Variants in SLC9A1 observed in about 807,000 individuals in gnomAD.
SLC9A1 encodes the protein sodium/hydrogen exchanger 1.
A neutral mutation model predicts 67.9 loss-of-function variants in SLC9A1; 22 were observed. The ratio of observed to expected loss-of-function variants is 0.32; its 90% CI spans 0.23 to 0.46. The LOEUF (loss-of-function observed/expected upper bound fraction) is 0.46, where lower values mean the gene tolerates loss of function less well. Ranked by LOEUF, SLC9A1 falls within the 20% of genes least tolerant of loss-of-function variation. The pLI, the probability that SLC9A1 is intolerant of heterozygous loss-of-function variation, is 1.00. For synonymous variants in SLC9A1, 421 were observed against 471.8 expected (o/e 0.89, Z 1.40); for missense variants, 686 against 1,094.8 (o/e 0.63, Z 5.27).
intron 3 of SLC9A1, 129 bp from the exon 4 acceptor site, chr1:27,107,994 C>T (rs574774232): frequency 4.5e-6 from 3 of 666,814 alleles, no homozygotes; most frequent in African/African-American, 1.8e-5. Flanking sequence ...GCCAGGGGCC[C>T]GCTGTGTGCT....
chr1:27,119,085 A>ACACACACACACT (rs1194276206), intron 1 of SLC9A1, among the ~76,000 whole-genome samples: 1 of 138,970 alleles, frequency 7.2e-6, no homozygotes, highest in East Asian at 2.1e-4. Context: ...ACACACACAC[A>ACACACACACACT]CTCTTGCTGA....
intron 1 of SLC9A1, among the ~76,000 whole-genome samples, chr1:27,129,762 C>A (rs1274937438): frequency 6.6e-6 from 1 of 152,104 alleles, no homozygotes; most frequent in African/African-American, 2.4e-5. Flanking sequence ...ATGGTGCCAA[C>A]CCCCCCATTC....
At chr1:27,126,917 A>G (rs1396394092) in intron 1 of SLC9A1, among the ~76,000 whole-genome samples, 1 of 152,256 alleles carries the variant, frequency 6.6e-6, no homozygotes, top group Non-Finnish European at 1.5e-5. Flanking sequence ...TTAGGCACCA[A>G]GAAGGCCTGG....
chr1:27,146,893 T>C (rs1470039184), intron 1 of SLC9A1, among the ~76,000 whole-genome samples: 1 of 152,140 alleles, frequency 6.6e-6, no homozygotes, highest in Non-Finnish European at 1.5e-5. Flanking sequence ...CCCAGCACTT[T>C]GGGGGGCCGG....
At position 27,102,558 on chromosome 1, in the gene SLC9A1, C is replaced by G. The variant is rs1330379056; in HGVS notation, c.1647G>C (p.Lys549Asn). Residue 549 changes from lysine to asparagine, a missense_variant and splice_region_variant, in exon 8 of 12, where the codon AAG becomes AAC. Lys to Asn is a moderately conservative substitution (Grantham distance 94, BLOSUM62 0). Around this residue, in one of 7 missense-constraint regions of SLC9A1, gnomAD observed 168 missense variants for 375.4 expected, o/e 0.45. Coordinates refer to ENST00000263980, the MANE Select transcript of SLC9A1 (RefSeq NM_003047.5). ...GHYGHHHWKD[K>N]LNRFNKKYVK... ...CATATTTCTTATTAAACCGGTTGAG[C>G]CTGGTGGGAGGAGGAGGGAGACGGA... 1 of 1,608,308 alleles carries G rather than the reference C, an allele frequency of 6.2e-7. No individual in the cohort carries two copies. Among genetic ancestry groups the G allele is most frequent in the Non-Finnish European group, 8.5e-7 (1 of 1,175,936 alleles).
chr1:27,102,847 C>G, intron 6 of SLC9A1, 104 bp from the exon 7 acceptor site: 2 of 1,048,980 alleles, frequency 1.9e-6, no homozygotes, highest in Non-Finnish European at 2.9e-6. Context: ...CCTGCTGGGT[C>G]CAGCCCTGTG....
chr1:27,130,970 T>C (rs541953384), intron 1 of SLC9A1, among the ~76,000 whole-genome samples: 4 of 152,294 alleles, frequency 2.6e-5, no homozygotes, highest in South Asian at 2.1e-4. Flanking sequence ...GTTCACCCCA[T>C]AGAAGTGCCC....
At chr1:27,123,857 C>T (rs1237426927) in intron 1 of SLC9A1, among the ~76,000 whole-genome samples, 1 of 151,454 alleles carries the variant, frequency 6.6e-6, no homozygotes, top group Non-Finnish European at 1.5e-5. Context: ...GACGGAGTCC[C>T]GCACAGTCAC....
At position 27,129,005 on chromosome 1, in the gene SLC9A1, TGC is replaced by T. The variant is rs373917486; in HGVS notation, c.353-14721_353-14720del. Among the ~76,000 whole-genome samples the T allele has an allele frequency of 4.3e-3, 649 of 152,254 alleles. 4 individuals are homozygous for T. The highest frequency in any genetic ancestry group is 0.015 in the African/African-American group (614 of 41,556). On this transcript the variant is annotated intron_variant, in intron 1 of 11. Transcript: ENST00000263980. ...ACAAATGCATGCACGCACGCACGCATGCCAGACACTCCCGTGCAGATCTAGAT... is the reference window on the plus strand; with the variant it reads ...ACAAATGCATGCACGCACGCACGCATCAGACACTCCCGTGCAGATCTAGAT...
chr1:27,101,743 G>A lies in SLC9A1; in HGVS notation c.2019C>T (p.Ala673=), dbSNP rs972334483. 13 of 1,612,264 alleles carry A rather than the reference G, an allele frequency of 8.1e-6. No individual in the cohort carries two copies. The African/African-American group carries it at 1.3e-4, about 17-fold the overall frequency. Residue 673 remains alanine (A), a synonymous_variant, in exon 10 of 12, where the codon GCC becomes GCT. Coordinates refer to ENST00000263980, the MANE Select transcript of SLC9A1 (RefSeq NM_003047.5). This position sits in a 1 kb window ranked among gnomAD's most constrained non-coding sequence, Gnocchi z 4.9. ...WNQMLLRRQK[A]RQLEQKINNY... ...AGGCTACCTTCTGCTCCAGCTGCCGGGCCTTCTGCCTCCGGAGCAGCATCT... is the reference window on the plus strand; with the variant it reads ...AGGCTACCTTCTGCTCCAGCTGCCGAGCCTTCTGCCTCCGGAGCAGCATCT...
chr1:27,145,020 G>A (rs1182599353), intron 1 of SLC9A1, among the ~76,000 whole-genome samples: 1 of 147,120 alleles, frequency 6.8e-6, no homozygotes, highest in Non-Finnish European at 1.5e-5. Flanking sequence ...CTGCACTCTG[G>A]CACTCCAACC....
At chr1:27,124,621 T>C (rs889527555) in intron 1 of SLC9A1, among the ~76,000 whole-genome samples, 1 of 152,228 alleles carries the variant, frequency 6.6e-6, no homozygotes, top group Non-Finnish European at 1.5e-5. Context: ...CAGGCGGCAC[T>C]GGCTGGGTGG....
chr1:27,149,098 C>A (rs1424553380), intron 1 of SLC9A1, among the ~76,000 whole-genome samples: 2 of 152,222 alleles, frequency 1.3e-5, no homozygotes, highest in Non-Finnish European at 2.9e-5. Context: ...GGACACAGAA[C>A]ACCTACAGCT....
intron 1 of SLC9A1, among the ~76,000 whole-genome samples, chr1:27,133,238 C>T (rs1211868140): frequency 6.6e-6 from 1 of 151,972 alleles, no homozygotes; most frequent in Non-Finnish European, 1.5e-5. Flanking sequence ...CGGCTAATTT[C>T]TGTATTTTTT....
intron 1 of SLC9A1, among the ~76,000 whole-genome samples, chr1:27,130,140 G>T (rs59888202): frequency 1.3e-5 from 2 of 152,088 alleles, no homozygotes; most frequent in Non-Finnish European, 2.9e-5. Context: ...TCATTCTGTC[G>T]CTCAGGCTGG....
rs568470276 is a variant in SLC9A1 at position 27,114,642 on chromosome 1, C to T, written c.353-356G>A. Among the ~76,000 whole-genome samples, 10 of 152,284 alleles carry T rather than the reference C, an allele frequency of 6.6e-5. No homozygotes were observed. Among genetic ancestry groups the T allele is most frequent in the East Asian group, 1.9e-4 (1 of 5,188 alleles). ...TGATTACTGACGTGCCAAGTACCTACGGGCATCACCTACGCCTGAACCCAA... is the reference window on the plus strand; with the variant it reads ...TGATTACTGACGTGCCAAGTACCTATGGGCATCACCTACGCCTGAACCCAA... On this transcript the variant is annotated intron_variant, in intron 1 of 11. Coordinates refer to ENST00000263980, the MANE Select transcript of SLC9A1 (RefSeq NM_003047.5). This position sits in a 1 kb window ranked among gnomAD's most constrained non-coding sequence, Gnocchi z 5.4.
intron 1 of SLC9A1, among the ~76,000 whole-genome samples, chr1:27,148,262 A>G (rs2083502956): frequency 1.3e-5 from 2 of 152,034 alleles, no homozygotes; most frequent in South Asian, 2.1e-4. Context: ...CCCCAGTGCA[A>G]CTCTGGCCCT....
chr1:27,131,947 A>AAAAAAAAATATAT lies in SLC9A1; in HGVS notation c.353-17662_353-17661insATATATTTTTTTT. ...AAAAGAAGAAGAAGAAGAAAAAAAA[A>AAAAAAAAATATAT]ATATATATATATATATATATATATA... On this transcript the variant is annotated intron_variant, in intron 1 of 11. Transcript: ENST00000263980. Among the ~76,000 whole-genome samples the AAAAAAAAATATAT allele has an allele frequency of 2.6e-3, 133 of 52,066 alleles. 1 individual carries two copies. The highest frequency in any genetic ancestry group is 6.7e-3 in the African/African-American group (106 of 15,710). The allele number at this position is 52,066 out of a possible 152,430, so 34.2% of individuals were successfully genotyped here.
rs150015600 is a variant in SLC9A1 at position 27,105,828 on chromosome 1, C to T, written c.1485+57G>A. ...AATCACACGCTTTCCTCTCTTTCCA[C>T]GGGAACAGCCTGTGAGGGTCCCCAA... is the stretch of plus-strand genomic sequence containing the variant. On this transcript the variant is annotated intron_variant, in intron 5 of 11. Coordinates refer to ENST00000263980, the MANE Select transcript of SLC9A1 (RefSeq NM_003047.5). 8.2e-4 allele frequency: 1,163 copies of T among 1,426,114 alleles called. No homozygotes were observed. The highest frequency in any genetic ancestry group is 1.4e-3 in the Middle Eastern group (8 of 5,692). 88.3% of individuals were successfully genotyped at this position (1,426,114 alleles called of 1,614,324 possible).
Sources: gnomAD v4.1 joint callset for allele counts (sites outside exome capture counted in the v4.1 genomes callset) on GRCh38, gnomAD v4.1.1 for gene constraint, gnomAD v4.1.1 regional missense constraint, Gnocchi (gnomAD v3.1) non-coding constraint, MANE v1.5 for transcripts, NCBI Gene and HGNC (gene_info 2026-07-23, HGNC 2026-07-21) for gene names.